SNX30: variants seen among roughly 807,000 people sequenced by gnomAD.
SNX30 encodes sorting nexin family member 30, also known as sorting nexin-30.
Under a neutral mutation model 46.4 loss-of-function variants are expected in SNX30, and 24 were observed. The observed-to-expected ratio is 0.52, with a 90% CI of 0.37 to 0.73. SNX30 has a LOEUF of 0.73. Among genes scored for constraint, SNX30 ranks in the 30% least tolerant of loss-of-function variants. The pLI is 0.00. For missense variants in SNX30, 533 were observed against 555.7 expected (o/e 0.96, Z 0.41); for synonymous variants, 189 against 211.5 (o/e 0.89, Z 0.92).
chr9:112,838,812 G>C, intron 6 of SNX30, 115 bp downstream of exon 6: 2 of 974,674 alleles, frequency 2.1e-6, no homozygotes, highest in Non-Finnish European at 3.1e-6. Context: ...TCCTGGGTGG[G>C]CAGGATCAGA....
chr9:112,815,172 A>C (rs1840377822), intron 2 of SNX30, among the ~76,000 whole-genome samples: 1 of 151,928 alleles, frequency 6.6e-6, no homozygotes, highest in Non-Finnish European at 1.5e-5. Context: ...GAATAAATAG[A>C]AGGAAAAAAA....
intron 2 of SNX30, among the ~76,000 whole-genome samples, chr9:112,805,543 A>G (rs1840212726): frequency 6.6e-6 from 1 of 152,212 alleles, no homozygotes; most frequent in African/African-American, 2.4e-5. Context: ...ATCTCAGCCC[A>G]CTGCAACTTC....
At chr9:112,780,984 G>T (rs1839837215) in intron 1 of SNX30, among the ~76,000 whole-genome samples, 1 of 152,176 alleles carries the variant, frequency 6.6e-6, no homozygotes, top group Non-Finnish European at 1.5e-5. Context: ...CCGTCACAGA[G>T]TCCCCTAACC....
chr9:112,853,112 GCT>G (rs2086220222), intron 7 of SNX30, among the ~76,000 whole-genome samples: 1 of 152,232 alleles, frequency 6.6e-6, no homozygotes, highest in Non-Finnish European at 1.5e-5. Context: ...ATGCCGAGTG[GCT>G]CTCCATCCTG....
intron 1 of SNX30, among the ~76,000 whole-genome samples, chr9:112,763,097 G>T (rs1392115212): frequency 6.6e-6 from 1 of 152,106 alleles, no homozygotes; most frequent in Non-Finnish European, 1.5e-5. Context: ...AGACCAGTGG[G>T]CACTGAAGTG....
intron 1 of SNX30, among the ~76,000 whole-genome samples, chr9:112,754,486 A>G (rs375869983): frequency 6.7e-6 from 1 of 148,454 alleles, no homozygotes; most frequent in Non-Finnish European, 1.5e-5. Context: ...TCTCACTGCA[A>G]CCTTTCCCTC....
chr9:112,827,853 G>A (rs142354666), intron 3 of SNX30, among the ~76,000 whole-genome samples: 154 of 152,312 alleles, frequency 1.0e-3, no homozygotes, highest in African/African-American at 3.2e-3. Flanking sequence ...CGTATTAAAG[G>A]AAAAAGCATG....
intron 1 of SNX30, among the ~76,000 whole-genome samples, chr9:112,767,818 T>C (rs995242507): frequency 2.0e-5 from 3 of 152,156 alleles, no homozygotes; most frequent in Non-Finnish European, 2.9e-5. Context: ...CATGCTGGTC[T>C]CAAACTCCTG....
intron 2 of SNX30, among the ~76,000 whole-genome samples, chr9:112,809,513 C>T (rs1230856340): frequency 1.3e-5 from 2 of 151,938 alleles, no homozygotes; most frequent in Non-Finnish European, 2.9e-5. Context: ...GCCTTCAATT[C>T]CCTTCAGGGT....
chr9:112,884,735 T>C (rs1841623326), downstream of SNX30, among the ~76,000 whole-genome samples: 1 of 152,238 alleles, frequency 6.6e-6, no homozygotes, highest in Admixed American at 6.5e-5. Flanking sequence ...AATCAGTTGC[T>C]TACTTGTATC....
intron 2 of SNX30, among the ~76,000 whole-genome samples, chr9:112,806,671 AAAAG>A (rs1377949951): frequency 6.6e-6 from 1 of 152,202 alleles, no homozygotes; most frequent in Non-Finnish European, 1.5e-5. Context: ...GTAAAAAAAT[AAAAG>A]AAGCGATGCT....
At chr9:112,778,360 C>T (rs1298820459) in intron 1 of SNX30, among the ~76,000 whole-genome samples, 1 of 151,068 alleles carries the variant, frequency 6.6e-6, no homozygotes, top group Non-Finnish European at 1.5e-5. Context: ...GCAACCTACG[C>T]CTCCCGGGTT....
At chr9:112,777,630 T>TTTTTG (rs1839769947) in intron 1 of SNX30, among the ~76,000 whole-genome samples, 1 of 60,804 alleles carries the variant, frequency 1.6e-5, no homozygotes, top group Non-Finnish European at 3.0e-5. Flanking sequence ...TTTTTTTTTG[T>TTTTTG]GGAGATGGGT....
At chr9:112,823,658 A>C (rs1317596411) in intron 3 of SNX30, among the ~76,000 whole-genome samples, 2 of 152,240 alleles carry the variant, frequency 1.3e-5, no homozygotes, top group African/African-American at 4.8e-5. Context: ...TATTATGTCC[A>C]AGTTTTCTTT....
intron 1 of SNX30, among the ~76,000 whole-genome samples, chr9:112,774,844 C>CCT: frequency 7.8e-6 from 1 of 128,782 alleles, no homozygotes; most frequent in East Asian, 2.2e-4. Context: ...TATTTATATG[C>CCT]TTTTTTTTTT....
At chr9:112,769,380 A>G (rs1402834128) in intron 1 of SNX30, among the ~76,000 whole-genome samples, 2 of 152,208 alleles carry the variant, frequency 1.3e-5, no homozygotes, top group Non-Finnish European at 2.9e-5. Context: ...CCATCACTGC[A>G]GTGCCATCCT....
At chr9:112,818,988 G>A (rs1840448698) in intron 3 of SNX30, among the ~76,000 whole-genome samples, 1 of 152,158 alleles carries the variant, frequency 6.6e-6, no homozygotes, top group South Asian at 2.1e-4. Flanking sequence ...GGAAACAGTA[G>A]TTTTTAAACA....
chr9:112,757,122 T>C (rs1404905420), intron 1 of SNX30, among the ~76,000 whole-genome samples: 1 of 152,254 alleles, frequency 6.6e-6, no homozygotes, highest in African/African-American at 2.4e-5. Flanking sequence ...TGCTATTTTG[T>C]ATCCGTTTAC....
At chr9:112,823,090 G>A (rs373251145) in intron 3 of SNX30, among the ~76,000 whole-genome samples, 8 of 152,242 alleles carry the variant, frequency 5.3e-5, no homozygotes, top group East Asian at 1.9e-4. Context: ...TACATATATA[G>A]GTATGTATAT....
Sources: allele counts gnomAD v4.1 joint callset (sites outside exome capture counted in the v4.1 genomes callset), GRCh38; gene constraint gnomAD v4.1.1; transcripts MANE v1.5; gene names NCBI Gene and HGNC (gene_info 2026-07-23, HGNC 2026-07-21).